Variants in DCHS1 observed in about 807,000 individuals in gnomAD.
DCHS1 encodes protocadherin-16.
A neutral mutation model predicts 213.9 loss-of-function variants in DCHS1; 78 were observed. That is an observed-to-expected ratio of 0.36 (90% CI 0.30 to 0.44). The LOEUF is 0.44. Among genes scored for constraint, DCHS1 ranks in the 20% least tolerant of loss-of-function variants. The pLI, the probability that DCHS1 is intolerant of heterozygous loss-of-function variation, is 1.00. For missense variants in DCHS1, 3,946 were observed against 4,395.9 expected (o/e 0.90, Z 2.89); for synonymous variants, 1,828 against 1,873.7 (o/e 0.98, Z 0.63).
Position 6,622,433 on chromosome 11 carries a change from G to A in DCHS1, c.9243C>T (p.Cys3081=), listed in dbSNP as rs147679452. The A allele has an allele frequency of 2.7e-4, 415 of 1,555,496 alleles. 1 individual carries two copies. The highest frequency in any genetic ancestry group is 2.5e-3 in the African/African-American group (181 of 73,732). ...QDADGLSDTS[C]EPPAPDTWYK... The stretch of plus-strand genomic sequence containing the variant: ...ACCAGGTGTCAGGGGCAGGTGGTTC[G>A]CAGGATGTGTCACTCAGACCATCTG... The change falls in exon 21 of 21, where the codon TGC becomes TGT. Residue 3081 remains cysteine, a synonymous_variant. Transcript: ENST00000299441. This position sits in a 1 kb window ranked among gnomAD's most constrained non-coding sequence, Gnocchi z 5.4.
rs1304045487 is a variant in DCHS1 at position 6,633,393 on chromosome 11, G to T, written c.2455+19C>A. 7 of 1,548,152 alleles carry T rather than the reference G, an allele frequency of 4.5e-6. No individual in the cohort carries two copies. The Admixed American group carries it at 1.2e-4, about 26-fold the overall frequency. ...GGTATTTGGGTCTGACACCAAGTGG[G>T]TATAAAGCTAAATGATACCTGGTGG... On this transcript the variant is annotated intron_variant, in intron 5 of 20. Coordinates refer to ENST00000299441, the MANE Select transcript of DCHS1 (RefSeq NM_003737.4).
In DCHS1 at chr11:6,626,129, G is replaced by C; in HGVS notation, c.6576+40C>G. On this transcript the variant is annotated intron_variant, in intron 16 of 20. Coordinates refer to ENST00000299441, the MANE Select transcript of DCHS1 (RefSeq NM_003737.4). This position sits in a 1 kb window ranked among gnomAD's most constrained non-coding sequence, Gnocchi z 5.2. The stretch of plus-strand genomic sequence containing the variant: ...GTCTGGCCACAGACAAGTCTGACTA[G>C]CCCTGCTCCCCCGCCCAATCTTTCC... The C allele has an allele frequency of 6.3e-7, 1 of 1,595,780 alleles. No homozygotes were observed. The highest frequency in any genetic ancestry group is 1.3e-5 in the African/African-American group (1 of 74,578).
intron 1 of DCHS1, among the ~76,000 whole-genome samples, chr11:6,651,387 G>C (rs12270269): frequency 0.17 from 25,926 of 152,160 alleles, 3,039 homozygotes; most frequent in African/African-American, 0.33. Context: ...AACTCAAAAC[G>C]TGAGGGGGCT....
chr11:6,649,395 G>A (rs1856212714), intron 1 of DCHS1, among the ~76,000 whole-genome samples: 1 of 151,810 alleles, frequency 6.6e-6, no homozygotes, highest in Non-Finnish European at 1.5e-5. Context: ...TGGGTGAGAG[G>A]AGGAGGAGCT....
chr11:6,641,443 C>T lies in DCHS1; in HGVS notation c.171G>A (p.Ala57=), dbSNP rs374379048. The change falls in exon 2 of 21, where the codon GCG becomes GCA. Residue 57 remains alanine (A), a synonymous_variant. Coordinates refer to ENST00000299441, the MANE Select transcript of DCHS1 (RefSeq NM_003737.4). The surrounding 1 kb of genome is among the most constrained non-coding windows in gnomAD (Gnocchi z 7.1). ...LDLQIDEEQP[A]GTLIGDISAG... Reference sequence around the variant, plus strand: ...CACTGATGTCGCCAATCAGTGTACCCGCTGGCTGCTCCTCATCAATCTGCA... The same window carrying T: ...CACTGATGTCGCCAATCAGTGTACCTGCTGGCTGCTCCTCATCAATCTGCA... 141 of 1,607,028 alleles carry T rather than the reference C, an allele frequency of 8.8e-5. 1 individual carries two copies. Among genetic ancestry groups the T allele is most frequent in the Admixed American group, 1.4e-4 (8 of 59,124 alleles).
At chr11:6,633,311 C>T (rs541423179) in intron 5 of DCHS1, 101 bp downstream of exon 5, 5 of 1,265,396 alleles carry the variant, frequency 4.0e-6, no homozygotes, top group Non-Finnish European at 5.5e-6. Flanking sequence ...TATACTGGGG[C>T]TATCTGCCCT....
chr11:6,641,018 G>C lies in DCHS1; in HGVS notation c.596C>G (p.Pro199Arg), dbSNP rs114142691. ...ETFRLETRPG[P>R]DGTPVPELVV... ...CAGCTCAGGTACTGGAGTCCCATCT[G>C]GACCGGGGCGTGTCTCCAGCCGGAA... Residue 199 changes from proline (P) to arginine (R), a missense_variant, in exon 2 of 21, where the codon CCA becomes CGA. Around this residue, in one of 3 missense-constraint regions of DCHS1, gnomAD observed 3,384 missense variants for 3,780.1 expected, o/e 0.90. Transcript: ENST00000299441. This position sits in a 1 kb window ranked among gnomAD's most constrained non-coding sequence, Gnocchi z 7.1. The C allele has an allele frequency of 1.1e-3, 1,845 of 1,614,008 alleles. 17 individuals carry two copies. The African/African-American group carries it at 0.019, about 16-fold the overall frequency.
rs1379421587 is a variant in DCHS1 at position 6,624,690 on chromosome 11, C to G, written c.7285+40G>C. The G allele has an allele frequency of 1.9e-6, 3 of 1,612,872 alleles. No homozygotes were observed. In the African/African-American group the frequency reaches 4.0e-5, roughly 22 times the overall value. ...GGAATGAGGTCAGATTACAGCCCAA[C>G]ACAGTCAAAGGCAAGGGGCAGATCC... is the stretch of plus-strand genomic sequence containing the variant. On this transcript the variant is annotated intron_variant, in intron 20 of 20. Coordinates refer to ENST00000299441, the MANE Select transcript of DCHS1 (RefSeq NM_003737.4).
rs1003345715 is a variant in DCHS1 at position 6,627,764 on chromosome 11, A to C, written c.5372-97T>G. 31 of 1,311,668 alleles carry C rather than the reference A, an allele frequency of 2.4e-5. No homozygotes were observed. Among genetic ancestry groups the C allele is most frequent in the Non-Finnish European group, 3.1e-5 (30 of 968,768 alleles). 81.3% of individuals were successfully genotyped at this position (1,311,668 alleles called of 1,614,324 possible). ...GAGAGTGAGCATGTGCACAAAAGCA[A>C]GTGAACCTTATGAGAGAAAGGAAGA... is the stretch of plus-strand genomic sequence containing the variant. On this transcript the variant is annotated intron_variant, in intron 13 of 20. Transcript: ENST00000299441. This position sits in a 1 kb window ranked among gnomAD's most constrained non-coding sequence, Gnocchi z 5.4.
intron 1 of DCHS1, among the ~76,000 whole-genome samples, chr11:6,650,956 A>T (rs1182109724): frequency 6.6e-6 from 1 of 152,090 alleles, no homozygotes; most frequent in Non-Finnish European, 1.5e-5. Context: ...GTAGTGTGAA[A>T]ATTTCTTAAT....
Position 6,626,535 on chromosome 11 carries a change from CT to C in DCHS1, c.6364+16del. 1 of 1,613,294 alleles carries C rather than the reference CT, an allele frequency of 6.2e-7. No homozygotes were observed. Among genetic ancestry groups the C allele is most frequent in the South Asian group, 1.1e-5 (1 of 91,038 alleles). Reference sequence around the variant, plus strand: ...CAGTAGCCTGTCCTGCACAGAGCCCCTGCTCCTATTTCTTACCTGTACTAGG... The same window carrying C: ...CAGTAGCCTGTCCTGCACAGAGCCCCGCTCCTATTTCTTACCTGTACTAGG... On this transcript the variant is annotated intron_variant, in intron 15 of 20. Coordinates refer to ENST00000299441, the MANE Select transcript of DCHS1 (RefSeq NM_003737.4). This position sits in a 1 kb window ranked among gnomAD's most constrained non-coding sequence, Gnocchi z 5.2.
In DCHS1 at chr11:6,623,534, G is replaced by T; in HGVS notation, c.8142C>A (p.Ser2714Arg). 6.2e-7 allele frequency: 1 copy of T among 1,610,222 alleles called. No individual in the cohort carries two copies. The highest frequency in any genetic ancestry group is 1.1e-5 in the South Asian group (1 of 90,444). ...TGCCTGGAGGCTGATTCTCGGCCAC[G>T]CTGGTGCTGAGTAAGTTCAGTGGGA... ...PAFPLNLLSTSVAENQPPGTL... is the reference protein window; with the variant it reads ...PAFPLNLLSTRVAENQPPGTL... Residue 2714 changes from serine to arginine, a missense_variant, in exon 21 of 21, where the codon AGC (serine) becomes AGA (arginine). Ser to Arg is a moderately radical substitution (Grantham distance 110). Transcript: ENST00000299441.
At chr11:6,644,297 G>T (rs1292650694) in intron 1 of DCHS1, among the ~76,000 whole-genome samples, 1 of 152,340 alleles carries the variant, frequency 6.6e-6, no homozygotes, top group East Asian at 1.9e-4. Flanking sequence ...ACAAGATAAA[G>T]TCCTTAACAT....
At position 6,625,122 on chromosome 11, in the gene DCHS1, A is replaced by G; in HGVS notation, c.7146+76T>C. The G allele has an allele frequency of 6.6e-7, 1 of 1,518,896 alleles. No individual in the cohort carries two copies. The highest frequency in any genetic ancestry group is 8.8e-7 in the Non-Finnish European group (1 of 1,132,266). 94.1% of individuals were successfully genotyped at this position (1,518,896 alleles called of 1,614,324 possible). ...GCTCCAACGTCCAGCCCACCTCAGC[A>G]GCTGCTAGCTCTGATACTTCCCTCC... On this transcript the variant is annotated intron_variant, in intron 19 of 20. Coordinates refer to ENST00000299441, the MANE Select transcript of DCHS1 (RefSeq NM_003737.4). This position sits in a 1 kb window ranked among gnomAD's most constrained non-coding sequence, Gnocchi z 5.3.
In DCHS1 at chr11:6,626,884, C is replaced by T; in HGVS notation, c.6155G>A (p.Gly2052Asp). 1.2e-6 allele frequency: 2 copies of T among 1,613,582 alleles called. No homozygotes were observed. Among genetic ancestry groups the T allele is most frequent in the Non-Finnish European group, 8.5e-7 (1 of 1,179,874 alleles). ...CCCCTGCAGTCCAACAATGATCACA[C>T]CAGTGGCAGAGCGAGCTGGACGGCC... The part of the protein sequence containing the change: ...DLGRPARSAT[G>D]VIIVGLQGEA... The change falls in exon 14 of 21, where the codon GGT becomes GAT. Residue 2052 changes from glycine (G) to aspartate (D), a missense_variant. By Grantham distance (94) the Gly-to-Asp change is moderately conservative. Coordinates refer to ENST00000299441, the MANE Select transcript of DCHS1 (RefSeq NM_003737.4). This position sits in a 1 kb window ranked among gnomAD's most constrained non-coding sequence, Gnocchi z 5.2.
intron 2 of DCHS1, among the ~76,000 whole-genome samples, chr11:6,636,936 G>A (rs541802429): frequency 6.6e-6 from 1 of 152,268 alleles, no homozygotes; most frequent in African/African-American, 2.4e-5. Flanking sequence ...AATCCGACCA[G>A]CCCAAAACTA....
intron 5 of DCHS1, 47 bp from the exon 6 acceptor site, chr11:6,633,103 A>G: frequency 6.4e-7 from 1 of 1,555,256 alleles, no homozygotes; most frequent in Non-Finnish European, 8.7e-7. Flanking sequence ...AGGGGCACTT[A>G]TTGAGTCAGG....
Position 6,626,398 on chromosome 11 carries a change from C to T in DCHS1, c.6365-18G>A, listed in dbSNP as rs759090852. On this transcript the variant is annotated intron_variant, in intron 15 of 20. Transcript: ENST00000299441. The surrounding 1 kb of genome is among the most constrained non-coding windows in gnomAD (Gnocchi z 5.2). The stretch of plus-strand genomic sequence containing the variant: ...GATGGCACCTGGGCGAGATAGAATG[C>T]ATCAGTGATAGCCCCCTTTGCTTGC... 9.9e-6 allele frequency: 16 copies of T among 1,611,268 alleles called. No homozygotes were observed. The highest frequency in any genetic ancestry group is 1.2e-5 in the Non-Finnish European group (14 of 1,178,620).
Position 6,633,003 on chromosome 11 carries a change from A to G in DCHS1, c.2509T>C (p.Phe837Leu). Residue 837 changes from phenylalanine (F) to leucine (L), a missense_variant, in exon 6 of 21, where the codon TTC becomes CTC. Around this residue, in one of 3 missense-constraint regions of DCHS1, gnomAD observed 3,384 missense variants for 3,780.1 expected, o/e 0.90. Transcript: ENST00000299441. ...SLSGGDPRGL[F>L]SLDAVSGLLQ... is the part of the protein sequence containing the mutation. ...AGTCCTGATACCGCATCTAGGGAGA[A>G]GAGTCCTCGGGGATCCCCACCTGAT... The G allele has an allele frequency of 6.2e-7, 1 of 1,612,984 alleles. No homozygotes were observed. Among genetic ancestry groups the G allele is most frequent in the African/African-American group, 1.3e-5 (1 of 75,034 alleles).
Sources: gnomAD v4.1 joint callset for allele counts (sites outside exome capture counted in the v4.1 genomes callset) on GRCh38, gnomAD v4.1.1 for gene constraint, gnomAD v4.1.1 regional missense constraint, Gnocchi (gnomAD v3.1) non-coding constraint, MANE v1.5 for transcripts, NCBI Gene and HGNC (gene_info 2026-07-23, HGNC 2026-07-21) for gene names.